TLK1: variants seen among roughly 807,000 people sequenced by gnomAD.
TLK1 encodes the protein serine/threonine-protein kinase tousled-like 1.
A neutral mutation model predicts 105.3 loss-of-function variants in TLK1; 24 were observed. The observed-to-expected ratio is 0.23, with a 90% CI of 0.17 to 0.32. The LOEUF (loss-of-function observed/expected upper bound fraction) is 0.32. Ranked by LOEUF, TLK1 falls within the 10% of genes least tolerant of loss-of-function variation. The pLI is 1.00. For synonymous variants in TLK1, 321 were observed against 310.4 expected (o/e 1.03, Z -0.36); for missense variants, 558 against 910.5 (o/e 0.61, Z 4.98).
At chr2:171,032,514 A>G (rs1686093945) in intron 11 of TLK1, among the ~76,000 whole-genome samples, 1 of 152,216 alleles carries the variant, frequency 6.6e-6, no homozygotes, top group Non-Finnish European at 1.5e-5. Flanking sequence ...AAAGAATATA[A>G]TACCTAGGAA....
chr2:171,124,045 G>C (rs1690770531), intron 1 of TLK1, among the ~76,000 whole-genome samples: 1 of 152,134 alleles, frequency 6.6e-6, no homozygotes, highest in Non-Finnish European at 1.5e-5. Context: ...TTCAAGGTTA[G>C]GTAGAAAGTT....
At chr2:170,994,816 T>TTTTTATTAAAATTTTGAGG in intron 20 of TLK1, 1 of 412,924 alleles carries the variant, frequency 2.4e-6, no homozygotes, top group Non-Finnish European at 4.8e-6. Flanking sequence ...GCCAGGCCTC[T>TTTTTATTAAAATTTTGAGG]TTCACCCAAT....
At chr2:171,077,165 T>C (rs1308163172) in intron 3 of TLK1, among the ~76,000 whole-genome samples, 1 of 152,218 alleles carries the variant, frequency 6.6e-6, no homozygotes, top group African/African-American at 2.4e-5. Flanking sequence ...TCCTTTCAGC[T>C]GATAACCTAT....
intron 1 of TLK1, among the ~76,000 whole-genome samples, chr2:171,213,037 T>C (rs1231526384): frequency 6.6e-6 from 1 of 152,090 alleles, no homozygotes; most frequent in Non-Finnish European, 1.5e-5. Context: ...CTTTGTAAAA[T>C]TGTCCTTCTT....
chr2:171,121,035 G>C (rs1690633614), intron 1 of TLK1, among the ~76,000 whole-genome samples: 1 of 152,128 alleles, frequency 6.6e-6, no homozygotes, highest in South Asian at 2.1e-4. Context: ...AAATAAGCCA[G>C]TCACAAAAGG....
At chr2:171,100,270 C>G (rs1459525663) in intron 2 of TLK1, among the ~76,000 whole-genome samples, 1 of 152,134 alleles carries the variant, frequency 6.6e-6, no homozygotes, top group South Asian at 2.1e-4. Context: ...CACCAAAACT[C>G]ATTTTGAAAT....
chr2:171,143,712 A>G (rs547984473), intron 1 of TLK1, among the ~76,000 whole-genome samples: 2 of 152,134 alleles, frequency 1.3e-5, no homozygotes, highest in Non-Finnish European at 2.9e-5. Flanking sequence ...TTTTAAAATG[A>G]TTAAAGAAAT....
chr2:171,090,522 T>C (rs1689183168), intron 2 of TLK1, among the ~76,000 whole-genome samples: 1 of 152,228 alleles, frequency 6.6e-6, no homozygotes, highest in Admixed American at 6.5e-5. Flanking sequence ...CTAAATGTAG[T>C]GAGGAAGAGA....
chr2:171,109,849 A>G (rs1690084884), intron 2 of TLK1, among the ~76,000 whole-genome samples: 1 of 152,220 alleles, frequency 6.6e-6, no homozygotes, highest in Non-Finnish European at 1.5e-5. Context: ...TCTCAAAAAC[A>G]CTACATTAAA....
At chr2:171,111,582 A>G (rs1690169935) in intron 2 of TLK1, among the ~76,000 whole-genome samples, 1 of 133,948 alleles carries the variant, frequency 7.5e-6, no homozygotes, top group Admixed American at 7.7e-5. Context: ...GAGATCCTGT[A>G]TTCAAAAAAA....
At chr2:171,147,564 T>C (rs897352410) in intron 1 of TLK1, among the ~76,000 whole-genome samples, 2 of 152,078 alleles carry the variant, frequency 1.3e-5, no homozygotes, top group Admixed American at 6.6e-5. Flanking sequence ...ATCACTATTA[T>C]GTGTGGATAT....
intron 1 of TLK1, 111 bp from the exon 2 acceptor site, chr2:171,117,968 A>C: frequency 1.5e-6 from 1 of 681,348 alleles, no homozygotes; most frequent in Non-Finnish European, 2.2e-6. Context: ...TTTAGGAATG[A>C]ATGCTACAAG....
intron 1 of TLK1, among the ~76,000 whole-genome samples, chr2:171,124,144 T>C (rs1273919017): frequency 2.0e-5 from 3 of 152,240 alleles, no homozygotes; most frequent in South Asian, 4.1e-4. Context: ...GGAACTATAG[T>C]TTGAGACTAG....
At chr2:171,227,365 A>G (rs1375571159) in intron 1 of TLK1, among the ~76,000 whole-genome samples, 1 of 152,182 alleles carries the variant, frequency 6.6e-6, no homozygotes, top group African/African-American at 2.4e-5. Flanking sequence ...CTTTTCAGTG[A>G]ATAGAATGAG....
At chr2:171,059,743 T>G (rs1036962922) in intron 4 of TLK1, among the ~76,000 whole-genome samples, 9 of 152,298 alleles carry the variant, frequency 5.9e-5, no homozygotes, top group African/African-American at 2.2e-4. Flanking sequence ...GAGATGGTTT[T>G]GGGATGAAAC....
rs148183296 is a variant in TLK1 at position 171,180,798 on chromosome 2, G to A, written c.-6+50347C>T. The stretch of plus-strand genomic sequence containing the variant: ...CACTTGACATGTTAGGACTATATGG[G>A]CATACAAATAATGTTAAGAGGATGC... On this transcript the variant is annotated intron_variant, in intron 1 of 20. Transcript: ENST00000521943. Among the ~76,000 whole-genome samples, 351 of 149,828 alleles carry A rather than the reference G, an allele frequency of 2.3e-3. 2 individuals are homozygous for A. Among genetic ancestry groups the A allele is most frequent in the African/African-American group, 8.4e-3 (341 of 40,696 alleles).
chr2:171,165,655 G>A (rs1692593822), upstream of TLK1, among the ~76,000 whole-genome samples: 1 of 152,212 alleles, frequency 6.6e-6, no homozygotes. Flanking sequence ...GCTCACGCCT[G>A]TAATCCCAGC....
At chr2:171,133,928 G>A (rs149316392) in intron 1 of TLK1, among the ~76,000 whole-genome samples, 115 of 151,982 alleles carry the variant, frequency 7.6e-4, no homozygotes, top group African/African-American at 2.5e-3. Context: ...CTCACTCTCC[G>A]GCTCAAGCAA....
rs535803252 is a variant in TLK1, at chr2:171,142,985, C to G, written c.139+17305G>C. Among the ~76,000 whole-genome samples, 5 of 152,248 alleles carry G rather than the reference C, an allele frequency of 3.3e-5. 1 individual carries two copies. Among genetic ancestry groups the G allele is most frequent in the African/African-American group, 1.2e-4 (5 of 41,542 alleles). ...GCTACTCCGGAGGGATTCGCTTGAACCCAGAATCACTTGAACTCAGAGACA... is the reference window on the plus strand; with the variant it reads ...GCTACTCCGGAGGGATTCGCTTGAAGCCAGAATCACTTGAACTCAGAGACA... On this transcript the variant is annotated intron_variant, in intron 1 of 20. Coordinates refer to ENST00000431350, the MANE Select transcript of TLK1 (RefSeq NM_012290.5).
Sources: allele counts gnomAD v4.1 joint callset (sites outside exome capture counted in the v4.1 genomes callset), GRCh38; gene constraint gnomAD v4.1.1; transcripts MANE v1.5; gene names NCBI Gene and HGNC (gene_info 2026-07-23, HGNC 2026-07-21).